Variants in DOCK7 observed in about 807,000 individuals in gnomAD.
DOCK7 encodes the protein dedicator of cytokinesis protein 7.
DOCK7 carries 138 observed loss-of-function variants against 271.0 expected under a neutral mutation model. The observed-to-expected ratio is 0.51, with a 90% CI of 0.44 to 0.59. DOCK7 has a LOEUF of 0.59. Ranked by LOEUF, DOCK7 falls within the 20% of genes least tolerant of loss-of-function variation. The pLI, the probability that DOCK7 is intolerant of heterozygous loss-of-function variation, is 0.00. For missense variants in DOCK7, 2,066 were observed against 2,592.4 expected (o/e 0.80, Z 4.41); for synonymous variants, 823 against 876.1 (o/e 0.94, Z 1.07).
intron 2 of DOCK7, among the ~76,000 whole-genome samples, chr1:62,661,635 G>A (rs1027869476): frequency 3.3e-5 from 5 of 152,006 alleles, no homozygotes. Context: ...CAAAACCTGG[G>A]AAGTCGCTAC....
intron 14 of DOCK7, chr1:62,604,350 T>A: frequency 7.6e-7 from 1 of 1,324,028 alleles, no homozygotes; most frequent in South Asian, 1.3e-5. Context: ...ATAAGCGTTT[T>A]CTCTCTAGAC....
intron 14 of DOCK7, among the ~76,000 whole-genome samples, chr1:62,603,358 C>G (rs1018298680): frequency 6.6e-6 from 1 of 151,578 alleles, no homozygotes; most frequent in African/African-American, 2.4e-5. Context: ...TGATGAAGAA[C>G]AATCTATTTA....
intron 34 of DOCK7, 134 bp from the exon 35 acceptor site, chr1:62,508,192 A>C: frequency 1.3e-6 from 1 of 787,140 alleles, no homozygotes; most frequent in Non-Finnish European, 1.9e-6. Flanking sequence ...ACAAGAGAAT[A>C]AGAAAAAAGG....
At chr1:62,498,659 T>C (rs1646692328) in intron 37 of DOCK7, among the ~76,000 whole-genome samples, 2 of 149,772 alleles carry the variant, frequency 1.3e-5, no homozygotes, top group South Asian at 4.2e-4. Flanking sequence ...AACAAAAAAC[T>C]GTCCTTTTAT....
chr1:62,611,039 GTC>G (rs1651723698), intron 14 of DOCK7, among the ~76,000 whole-genome samples: 1 of 152,136 alleles, frequency 6.6e-6, no homozygotes, highest in South Asian at 2.1e-4. Flanking sequence ...TCGCCACACT[GTC>G]TTCCACAATG....
intron 22 of DOCK7, among the ~76,000 whole-genome samples, chr1:62,550,895 A>G (rs1645880585): frequency 6.6e-6 from 1 of 151,596 alleles, no homozygotes; most frequent in Non-Finnish European, 1.5e-5. Context: ...TAATTTTTGT[A>G]TTTTTAGTAG....
At chr1:62,563,362 G>T (rs565459888) in intron 18 of DOCK7, among the ~76,000 whole-genome samples, 24 of 152,084 alleles carry the variant, frequency 1.6e-4, no homozygotes, top group African/African-American at 5.3e-4. Flanking sequence ...TATCAACTAG[G>T]AAACTCTCAA....
At chr1:62,560,140 T>C (rs1646275787) in intron 19 of DOCK7, among the ~76,000 whole-genome samples, 1 of 152,094 alleles carries the variant, frequency 6.6e-6, no homozygotes, top group Admixed American at 6.6e-5. Context: ...TTCCATTCTT[T>C]CACTAAAATA....
intron 14 of DOCK7, among the ~76,000 whole-genome samples, chr1:62,590,184 G>C (rs1171346027): frequency 2.0e-5 from 3 of 152,166 alleles, no homozygotes; most frequent in Non-Finnish European, 2.9e-5. Flanking sequence ...ATAATCTCAG[G>C]CTGCAAACAG....
At chr1:62,460,435 G>T (rs999525144) in intron 48 of DOCK7, among the ~76,000 whole-genome samples, 18 of 152,034 alleles carry the variant, frequency 1.2e-4, no homozygotes, top group African/African-American at 4.3e-4. Context: ...TTATATATTA[G>T]GTATTTTAAG....
chr1:62,467,048 C>T (rs781198725), intron 48 of DOCK7, among the ~76,000 whole-genome samples: 1 of 152,132 alleles, frequency 6.6e-6, no homozygotes, highest in Non-Finnish European at 1.5e-5. Flanking sequence ...TATACATGTA[C>T]TTTATATTCA....
At chr1:62,568,264 A>G (rs1646591626) in intron 18 of DOCK7, among the ~76,000 whole-genome samples, 1 of 152,118 alleles carries the variant, frequency 6.6e-6, no homozygotes, top group Admixed American at 6.5e-5. Flanking sequence ...TTAACAGGGA[A>G]ATTTATAGCA....
intron 18 of DOCK7, among the ~76,000 whole-genome samples, 168 bp from the exon 19 acceptor site, chr1:62,561,871 A>T (rs1281783685): frequency 2.0e-5 from 3 of 152,060 alleles, no homozygotes; most frequent in African/African-American, 7.2e-5. Flanking sequence ...AAAATCAAGC[A>T]ATGTTTTCTA....
At chr1:62,636,396 T>C in intron 8 of DOCK7, 141 bp downstream of exon 8, 1 of 636,218 alleles carries the variant, frequency 1.6e-6, no homozygotes, top group Non-Finnish European at 2.7e-6. Context: ...ATTTAACTAG[T>C]CCTAATAAGT....
At chr1:62,666,378 C>A (rs1251521968) in intron 1 of DOCK7, among the ~76,000 whole-genome samples, 1 of 152,028 alleles carries the variant, frequency 6.6e-6, no homozygotes, top group Non-Finnish European at 1.5e-5. Flanking sequence ...AAACGATAAT[C>A]CTCATATTGC....
intron 18 of DOCK7, among the ~76,000 whole-genome samples, chr1:62,567,841 T>C (rs1646572851): frequency 6.6e-6 from 1 of 151,480 alleles, no homozygotes; most frequent in Non-Finnish European, 1.5e-5. Context: ...TCTAAAACAC[T>C]TGTTTTCAGC....
intron 21 of DOCK7, among the ~76,000 whole-genome samples, chr1:62,553,344 ATATATATATATTTTTTTTT>A (rs1321048516): frequency 9.9e-4 from 31 of 31,310 alleles, no homozygotes; most frequent in Admixed American, 1.5e-3. Context: ...ATATATATAT[ATATATATATATTTTTTTTT>A]TTTTTTTTTT....
intron 31 of DOCK7, among the ~76,000 whole-genome samples, chr1:62,518,821 T>C (rs1004701519): frequency 7.9e-5 from 12 of 151,062 alleles, no homozygotes; most frequent in African/African-American, 2.7e-4. Flanking sequence ...AAGTAAAACA[T>C]AAAATGTTAA....
chr1:62,568,134 T>C (rs941254720), intron 18 of DOCK7, among the ~76,000 whole-genome samples: 9 of 151,802 alleles, frequency 5.9e-5, no homozygotes, highest in African/African-American at 1.9e-4. Context: ...AATTGCACAA[T>C]TGCTCCTGAA....
Sources: gnomAD v4.1 joint callset for allele counts (sites outside exome capture counted in the v4.1 genomes callset) on GRCh38, gnomAD v4.1.1 for gene constraint, MANE v1.5 for transcripts, NCBI Gene and HGNC (gene_info 2026-07-23, HGNC 2026-07-21) for gene names.